The following PLOD2 variants were observed in gnomAD, a reference collection of about 807,000 sequenced individuals.
The protein encoded by PLOD2 is lysine hydroxylase 2.
Under a neutral mutation model 101.0 loss-of-function variants are expected in PLOD2, and 65 were observed. The observed-to-expected ratio is 0.64, with a 90% CI of 0.53 to 0.79. The LOEUF (loss-of-function observed/expected upper bound fraction) is 0.79, where lower values mean the gene tolerates loss of function less well. PLOD2 is among the 30% of genes least tolerant of loss of function. The pLI, the probability that PLOD2 is intolerant of heterozygous loss-of-function variation, is 0.00. For synonymous variants in PLOD2, 314 were observed against 302.9 expected (o/e 1.04, Z -0.38); for missense variants, 909 against 914.6 (o/e 0.99, Z 0.08).
At position 146,079,150 on chromosome 3, in the gene PLOD2, G is replaced by C; in HGVS notation, c.1466C>G (p.Pro489Arg). The part of the protein sequence containing the change: ...RNYFVRDKLD[P>R]DMALCRNARE... ...AGCATTTCGGCAAAGAGCCATATCA[G>C]GATCCAGTTTATCACGAACAAAATA... is the stretch of plus-strand genomic sequence containing the variant. Residue 489 changes from proline to arginine, a missense_variant, in exon 13 of 20, where the codon CCT becomes CGT. Transcript: ENST00000282903. 6.2e-7 allele frequency: 1 copy of C among 1,612,850 alleles called. No homozygotes were observed. The highest frequency in any genetic ancestry group is 1.1e-5 in the South Asian group (1 of 91,064).
intron 17 of PLOD2, among the ~76,000 whole-genome samples, chr3:146,072,346 A>G (rs911536896): frequency 6.6e-6 from 1 of 151,766 alleles, no homozygotes; most frequent in African/African-American, 2.4e-5. Context: ...TTACATGCAT[A>G]AATGAGAAAC....
intron 1 of PLOD2, among the ~76,000 whole-genome samples, chr3:146,148,578 A>C (rs778044334): frequency 1.3e-5 from 2 of 152,164 alleles, no homozygotes; most frequent in Non-Finnish European, 2.9e-5. Flanking sequence ...CTGTTTCTGC[A>C]TTTACCCTAG....
Position 146,071,434 on chromosome 3 carries a change from CATTA to C in PLOD2, c.1849-15_1849-12del. On this transcript the variant is annotated splice_polypyrimidine_tract_variant and intron_variant, in intron 17 of 19. Coordinates refer to ENST00000282903, the MANE Select transcript of PLOD2 (RefSeq NM_182943.3). Reference sequence around the variant, plus strand: ...AGATATACGGCTATCCTAGAAACAACATTAATGACATAATAAGCTGTACTCCACG... The same window carrying C: ...AGATATACGGCTATCCTAGAAACAACATGACATAATAAGCTGTACTCCACG... The C allele has an allele frequency of 1.9e-6, 3 of 1,610,168 alleles. No homozygotes were observed. Among genetic ancestry groups the C allele is most frequent in the Non-Finnish European group, 2.5e-6 (3 of 1,177,116 alleles).
chr3:146,086,777 T>C lies in PLOD2; in HGVS notation c.1127+10A>G. The stretch of plus-strand genomic sequence containing the variant: ...ATAATTTAATTTAATTTTAATTTAT[T>C]AAAACATACATTCCCATGTTTCTGG... On this transcript the variant is annotated intron_variant, in intron 10 of 19. Coordinates refer to ENST00000282903, the MANE Select transcript of PLOD2 (RefSeq NM_182943.3). The C allele has an allele frequency of 2.8e-6, 4 of 1,415,664 alleles. No homozygotes were observed. The highest frequency in any genetic ancestry group is 3.8e-6 in the Non-Finnish European group (4 of 1,050,208). 87.7% of individuals were successfully genotyped at this position (1,415,664 alleles called of 1,614,324 possible). A position where few individuals can be genotyped will look rare whatever the true frequency, so the allele number is the denominator to read the frequency against.
At position 146,095,891 on chromosome 3, in the gene PLOD2, TCTCCCCC is replaced by T. The variant is rs1576588952; in HGVS notation, c.778-3997_778-3991del. On this transcript the variant is annotated intron_variant, in intron 7 of 19. Transcript: ENST00000282903. ...CCCCTCTCCCCTCTCCCCTCTCCCC[TCTCCCCC>T]CTCCCCCCTCTCCCTCCACAGTCTC... is the stretch of plus-strand genomic sequence containing the variant. 2.8e-4 allele frequency among the ~76,000 whole-genome samples: 7 copies of T among 24,820 alleles called. No homozygotes were observed. In the South Asian group the frequency reaches 7.1e-3, roughly 25 times the overall value. The allele number at this position is 24,820 out of a possible 152,430, so 16.3% of individuals were successfully genotyped here.
intron 1 of PLOD2, among the ~76,000 whole-genome samples, chr3:146,144,268 A>G: frequency 6.6e-6 from 1 of 152,180 alleles, no homozygotes; most frequent in East Asian, 1.9e-4. Context: ...TAAGAAACAG[A>G]AGTGGCAAAA....
rs1461071943 is a variant in PLOD2 at position 146,071,106 on chromosome 3, G to A, written c.2057C>T (p.Pro686Leu). 3 of 1,610,058 alleles carry A rather than the reference G, an allele frequency of 1.9e-6. No homozygotes were observed. Among genetic ancestry groups the A allele is most frequent in the South Asian group, 2.2e-5 (2 of 90,990 alleles). Residue 686 changes from proline to leucine, a missense_variant, in exon 19 of 20, where the codon CCT (proline) becomes CTT (leucine). By Grantham distance (98) the Pro-to-Leu change is moderately conservative. Coordinates refer to ENST00000282903, the MANE Select transcript of PLOD2 (RefSeq NM_182943.3). ...YSPERQRSLR[P>L]HHDASTFTIN... ...GGTAAATGTAGAAGCATCATGATGAGGACGAAGAGAACGCTGTCGTTCAGG... is the reference window on the plus strand; with the variant it reads ...GGTAAATGTAGAAGCATCATGATGAAGACGAAGAGAACGCTGTCGTTCAGG...
chr3:146,134,594 G>A (rs2031121330), intron 1 of PLOD2, among the ~76,000 whole-genome samples: 1 of 152,200 alleles, frequency 6.6e-6, no homozygotes, highest in South Asian at 2.1e-4. Flanking sequence ...CCAAGGTTAT[G>A]TAGCTTGCTG....
intron 14 of PLOD2, chr3:146,077,398 A>C (rs1311038971): frequency 6.1e-6 from 1 of 163,836 alleles, no homozygotes; most frequent in Non-Finnish European, 1.3e-5. Context: ...GATAAAGAAA[A>C]CCAGTCTCAT....
At chr3:146,118,551 T>A (rs1358937415) in intron 3 of PLOD2, among the ~76,000 whole-genome samples, 1 of 152,144 alleles carries the variant, frequency 6.6e-6, no homozygotes, top group African/African-American at 2.4e-5. Context: ...AAGACCTTCC[T>A]AAGTTAGAGG....
At chr3:146,094,023 T>A (rs1305418255) in intron 7 of PLOD2, among the ~76,000 whole-genome samples, 10 of 152,176 alleles carry the variant, frequency 6.6e-5, no homozygotes. Flanking sequence ...CCCATTTACA[T>A]CTGTTTTCCT....
chr3:146,099,462 T>C (rs1183696306), intron 7 of PLOD2, among the ~76,000 whole-genome samples: 5 of 152,168 alleles, frequency 3.3e-5, no homozygotes, highest in Admixed American at 1.3e-4. Context: ...AATGGCCCGA[T>C]CTTGGCTGAC....
intron 3 of PLOD2, among the ~76,000 whole-genome samples, chr3:146,113,331 A>T (rs576435196): frequency 1.3e-5 from 2 of 152,318 alleles, no homozygotes; most frequent in Non-Finnish European, 2.9e-5. Context: ...ATTTGAACTT[A>T]CTTAAAACTT....
intron 15 of PLOD2, among the ~76,000 whole-genome samples, chr3:146,075,097 T>C (rs1329125783): frequency 6.6e-6 from 1 of 151,584 alleles, no homozygotes; most frequent in Non-Finnish European, 1.5e-5. Context: ...TGAAGTGAAA[T>C]ATGGAATTCT....
rs1435105604 is a variant in PLOD2 at position 146,081,766 on chromosome 3, A to C, written c.1330T>G (p.Tyr444Asp). The C allele has an allele frequency of 6.2e-7, 1 of 1,609,978 alleles. No individual in the cohort carries two copies. Among genetic ancestry groups the C allele is most frequent in the Admixed American group, 1.7e-5 (1 of 59,990 alleles). The change falls in exon 12 of 20, where the codon TAT becomes GAT. Residue 444 changes from tyrosine (Y) to aspartate (D), a missense_variant. Coordinates refer to ENST00000282903, the MANE Select transcript of PLOD2 (RefSeq NM_182943.3). ...CTATTCCCTTGAACAATATCCACATAATCTTCAGATCGTGCATAGTATCCA... is the reference window on the plus strand; with the variant it reads ...CTATTCCCTTGAACAATATCCACATCATCTTCAGATCGTGCATAGTATCCA... Reference protein sequence around the residue: ...PDGYYARSEDYVDIVQGNRVG... With the variant: ...PDGYYARSEDDVDIVQGNRVG...
At chr3:146,134,057 TTCTA>T (rs2031084114) in intron 1 of PLOD2, among the ~76,000 whole-genome samples, 1 of 152,124 alleles carries the variant, frequency 6.6e-6, no homozygotes, top group Non-Finnish European at 1.5e-5. Context: ...TTGAGAATTT[TTCTA>T]CATGAAAAAA....
At chr3:146,128,441 C>A (rs1195873809) in intron 1 of PLOD2, among the ~76,000 whole-genome samples, 1 of 152,134 alleles carries the variant, frequency 6.6e-6, no homozygotes, top group Non-Finnish European at 1.5e-5. Flanking sequence ...ACAGGTGATG[C>A]ATCTATACAG....
intron 7 of PLOD2, among the ~76,000 whole-genome samples, chr3:146,095,864 CTCCCCTCTCCCCT>C (rs1937131362): frequency 1.2e-5 from 1 of 81,214 alleles, no homozygotes; most frequent in Admixed American, 1.1e-4. Flanking sequence ...CCTCTCCCCT[CTCCCCTCTCCCCT>C]CTCCCCTCTC....
At position 146,091,878 on chromosome 3, in the gene PLOD2, G is replaced by C. The variant is rs771710305; in HGVS notation, c.801C>G (p.Asn267Lys). ...PTKILLNYFG[N>K]YVPNSWTQDN... ...CCTGTGTCCATGAATTGGGTACATA[G>C]TTTCCAAAATAATTCAGGAGAATCT... Residue 267 changes from asparagine (N) to lysine (K), a missense_variant, in exon 8 of 20, where the codon AAC (asparagine) becomes AAG (lysine). Physicochemically the swap from Asn to Lys is moderately conservative, Grantham distance 94. Coordinates refer to ENST00000282903, the MANE Select transcript of PLOD2 (RefSeq NM_182943.3). 1 of 1,596,402 alleles carries C rather than the reference G, an allele frequency of 6.3e-7. No homozygotes were observed. The highest frequency in any genetic ancestry group is 8.6e-7 in the Non-Finnish European group (1 of 1,164,264).
Sources: allele counts gnomAD v4.1 joint callset (sites outside exome capture counted in the v4.1 genomes callset), GRCh38; gene constraint gnomAD v4.1.1; transcripts MANE v1.5; gene names NCBI Gene and HGNC (gene_info 2026-07-23, HGNC 2026-07-21).